Variants in TOGARAM2 observed in about 807,000 individuals in gnomAD.
The protein encoded by TOGARAM2 is TOG array regulator of axonemal microtubules 2.
A neutral mutation model predicts 93.3 loss-of-function variants in TOGARAM2; 85 were observed. The ratio of observed to expected loss-of-function variants is 0.91; its 90% CI spans 0.76 to 1.09. The LOEUF is 1.09. TOGARAM2 is among the 50% of genes least tolerant of loss of function. The pLI is 0.00. For missense variants in TOGARAM2, 1,277 were observed against 1,334.5 expected, an observed-to-expected ratio of 0.96 and a Z score of 0.67; for synonymous variants, 593 against 552.8, an observed-to-expected ratio of 1.07 and a Z score of -1.02.
chr2:29,015,257 A>G (rs191629038), intron 8 of TOGARAM2, among the ~76,000 whole-genome samples: 1 of 152,146 alleles, frequency 6.6e-6, no homozygotes, highest in East Asian at 1.9e-4. Flanking sequence ...AACACAAACA[A>G]TGATTCAGTG....
intron 10 of TOGARAM2, 125 bp downstream of exon 10, chr2:29,018,081 G>A (rs1206740076): frequency 2.7e-6 from 3 of 1,112,844 alleles, no homozygotes; most frequent in Non-Finnish European, 3.7e-6. Flanking sequence ...AGACCAGGAG[G>A]CAGCCTGGGG....
At chr2:29,019,177 C>CTT (rs61378143) in intron 10 of TOGARAM2, among the ~76,000 whole-genome samples, 22,459 of 121,500 alleles carry the variant, frequency 0.18, 2,457 homozygotes, top group Non-Finnish European at 0.25. Flanking sequence ...CCAACTGACT[C>CTT]TTTTTTTTTT....
intron 1 of TOGARAM2, among the ~76,000 whole-genome samples, chr2:28,994,342 C>T (rs949422106): frequency 1.3e-5 from 2 of 152,184 alleles, no homozygotes; most frequent in Non-Finnish European, 2.9e-5. Context: ...AGGCCAACAT[C>T]GCCATGGGCT....
intron 1 of TOGARAM2, among the ~76,000 whole-genome samples, chr2:28,958,485 T>G (rs1181918570): frequency 1.3e-5 from 2 of 152,124 alleles, no homozygotes; most frequent in African/African-American, 4.8e-5. Flanking sequence ...TTTAAATTTT[T>G]TGTAGAGTTG....
rs576939540 is a variant in TOGARAM2 at position 29,007,817 on chromosome 2, C to T, written c.831-3638C>T. ...CCCAGTGCTTGTTCTGTGGGGCCTT[C>T]TTACCCCTCCAGACCCTGAGGACCT... is the stretch of plus-strand genomic sequence containing the variant. On this transcript the variant is annotated intron_variant, in intron 6 of 19. Coordinates refer to ENST00000379558, the MANE Select transcript of TOGARAM2 (RefSeq NM_199280.4). 1.2e-4 allele frequency among the ~76,000 whole-genome samples: 19 copies of T among 152,158 alleles called. No homozygotes were observed. The South Asian group carries it at 3.7e-3, about 30-fold the overall frequency.
At position 29,043,555 on chromosome 2, in the gene TOGARAM2, C is replaced by T. The variant is rs904798894; in HGVS notation, c.2636-1769C>T. On this transcript the variant is annotated intron_variant, in intron 18 of 19. Transcript: ENST00000379558. ...GTCAGCTCCTGGGTCCCAGGATACA[C>T]GTGCTGGGCTGCTGTGGTAACACCA... Among the ~76,000 whole-genome samples the T allele has an allele frequency of 5.1e-5, 5 of 97,274 alleles. No individual in the cohort carries two copies. In the East Asian group the frequency reaches 1.7e-3, roughly 33 times the overall value. The allele number at this position is 97,274 out of a possible 152,430, so 63.8% of individuals were successfully genotyped here.
At chr2:28,999,080 G>A in intron 3 of TOGARAM2, 101 bp from the exon 4 acceptor site, 1 of 1,241,358 alleles carries the variant, frequency 8.1e-7, no homozygotes, top group Non-Finnish European at 1.1e-6. Context: ...CACCAGGCAA[G>A]TGGCTGCCTG....
upstream of TOGARAM2, among the ~76,000 whole-genome samples, chr2:28,977,763 C>T (rs183601257): frequency 3.0e-4 from 46 of 152,032 alleles, no homozygotes; most frequent in African/African-American, 1.1e-3. Context: ...TTACAGTCAG[C>T]GGATGAGTGG....
At position 29,036,705 on chromosome 2, in the gene TOGARAM2, A is replaced by G; in HGVS notation, c.2583A>G (p.Ser861=). 1 of 1,613,976 alleles carries G rather than the reference A, an allele frequency of 6.2e-7. No individual in the cohort carries two copies. Among genetic ancestry groups the G allele is most frequent in the South Asian group, 1.1e-5 (1 of 91,074 alleles). The change falls in exon 18 of 20, where the codon TCA becomes TCG. Residue 861 remains serine, a synonymous_variant. Coordinates refer to ENST00000379558, the MANE Select transcript of TOGARAM2 (RefSeq NM_199280.4). ...CAGACAACCTCAACTCCAAGAACTC[A>G]GGGATTTACGCTGCTGCCGTGGCTG... The part of the protein sequence containing the change: ...TVADNLNSKN[S]GIYAAAVAVL...
At chr2:29,033,423 G>A in intron 15 of TOGARAM2, 46 bp from the exon 16 acceptor site, 2 of 1,543,864 alleles carry the variant, frequency 1.3e-6, no homozygotes, top group African/African-American at 2.7e-5. Flanking sequence ...GCATTTCCCT[G>A]GAGGGCCACT....
intron 1 of TOGARAM2, among the ~76,000 whole-genome samples, chr2:28,975,866 C>A (rs1368940367): frequency 2.0e-5 from 3 of 152,138 alleles, no homozygotes; most frequent in African/African-American, 7.2e-5. Context: ...TTGCCTCACA[C>A]CCCTATGCCT....
At chr2:29,011,430 C>T (rs778161724) in intron 6 of TOGARAM2, 25 bp from the exon 7 acceptor site, 1 of 1,609,508 alleles carries the variant, frequency 6.2e-7, no homozygotes, top group Non-Finnish European at 8.5e-7. Flanking sequence ...CCTCATGATG[C>T]TTTTCTCTCC....
chr2:29,024,107 G>C (rs1046078045), intron 12 of TOGARAM2, 32 bp from the exon 13 acceptor site: 3 of 1,540,692 alleles, frequency 1.9e-6, no homozygotes, highest in Non-Finnish European at 2.6e-6. Context: ...GCAGGGTCCA[G>C]CACCCTGGAG....
chr2:28,959,730 G>A (rs762424413), intron 1 of TOGARAM2, among the ~76,000 whole-genome samples: 4 of 152,116 alleles, frequency 2.6e-5, no homozygotes, highest in Admixed American at 6.5e-5. Flanking sequence ...GCGACAGAGT[G>A]AGACTCTGGC....
At chr2:28,968,992 G>A (rs958770208) in intron 1 of TOGARAM2, among the ~76,000 whole-genome samples, 1 of 152,062 alleles carries the variant, frequency 6.6e-6, no homozygotes, top group African/African-American at 2.4e-5. Context: ...GGATGAATGA[G>A]GCCATTGGTG....
intron 1 of TOGARAM2, among the ~76,000 whole-genome samples, chr2:28,957,674 C>T (rs1261173411): frequency 6.6e-6 from 1 of 152,066 alleles, no homozygotes; most frequent in Non-Finnish European, 1.5e-5. Flanking sequence ...GTTTGGGCAA[C>T]ATTGATAAGG....
chr2:29,022,580 C>A (rs1665028028), intron 11 of TOGARAM2, among the ~76,000 whole-genome samples: 1 of 152,232 alleles, frequency 6.6e-6, no homozygotes, highest in African/African-American at 2.4e-5. Context: ...CAAAGCCAGG[C>A]ATGGCAAGGA....
At chr2:28,994,889 G>A (rs1413481816) in intron 2 of TOGARAM2, 27 bp downstream of exon 2, 7 of 1,551,616 alleles carry the variant, frequency 4.5e-6, no homozygotes, top group Admixed American at 3.9e-5. Flanking sequence ...GAGGCCTGCT[G>A]CTGGTGTTTT....
intron 1 of TOGARAM2, among the ~76,000 whole-genome samples, chr2:28,965,064 C>G (rs1465713344): frequency 6.6e-6 from 1 of 152,208 alleles, no homozygotes; most frequent in Non-Finnish European, 1.5e-5. Context: ...GGAATCCCCA[C>G]ACCCTCTTCC....
Sources: gnomAD v4.1 joint callset for allele counts (sites outside exome capture counted in the v4.1 genomes callset) on GRCh38, gnomAD v4.1.1 for gene constraint, MANE v1.5 for transcripts, NCBI Gene and HGNC (gene_info 2026-07-23, HGNC 2026-07-21) for gene names.